The following DIPK1C variants were observed in gnomAD, a reference collection of about 807,000 sequenced individuals.
DIPK1C encodes familial non-conventional Alzheimer's dementia.
A neutral mutation model predicts 28.0 loss-of-function variants in DIPK1C; 33 were observed. The observed-to-expected ratio is 1.18, with a 90% CI of 0.89 to 1.58. The LOEUF (loss-of-function observed/expected upper bound fraction) is 1.58. DIPK1C is among the 40% of genes most tolerant of loss of function. DIPK1C has a pLI of 0.00. For missense variants in DIPK1C, 569 were observed against 568.5 expected (o/e 1.00, Z -0.01); for synonymous variants, 255 against 248.8 (o/e 1.02, Z -0.23).
chr18:74,463,088 G>C, the DIPK1C span, among the ~76,000 whole-genome samples: 1 of 152,290 alleles, frequency 6.6e-6, no homozygotes, highest in South Asian at 2.1e-4. Flanking sequence ...CAAGAACGTG[G>C]GGTGCCCCAT....
chr18:74,442,648 C>T lies in DIPK1C; in HGVS notation c.877-532G>A, dbSNP rs144652623. 2.3e-3 allele frequency among the ~76,000 whole-genome samples: 349 copies of T among 152,336 alleles called. 2 individuals are homozygous for T. Among genetic ancestry groups the T allele is most frequent in the African/African-American group, 8.1e-3 (335 of 41,586 alleles). ...CCGGCCGCATTTTCTTTTACACAGG[C>T]AACTGTCATAGCTACAGCGGAAGGC... On this transcript the variant is annotated intron_variant, in intron 2 of 3. Transcript: ENST00000343998.
At chr18:74,437,946 C>T (rs1304678177) in intron 3 of DIPK1C, among the ~76,000 whole-genome samples, 1 of 152,212 alleles carries the variant, frequency 6.6e-6, no homozygotes, top group Admixed American at 6.5e-5. Flanking sequence ...GGCTGGAGTG[C>T]AGTGGTGCCA....
At chr18:74,456,971 C>T in intron 1 of DIPK1C, 91 bp downstream of exon 1, 1 of 1,267,200 alleles carries the variant, frequency 7.9e-7, no homozygotes, top group Non-Finnish European at 1.0e-6. Context: ...GCCACCGCCA[C>T]CCAAGTCCCC....
chr18:74,453,193 T>C (rs900229862), intron 1 of DIPK1C, among the ~76,000 whole-genome samples: 3 of 152,178 alleles, frequency 2.0e-5, no homozygotes, highest in African/African-American at 7.2e-5. Context: ...ACAAAACCTG[T>C]CCACTCTAGT....
Position 74,436,676 on chromosome 18 carries a change from A to G in DIPK1C, c.1085T>C (p.Leu362Pro). The stretch of plus-strand genomic sequence containing the variant: ...CTGGAAAGAGACCGCAGAGCTCTTG[A>G]GAGGCGCGGAAAACCAATGGCGAAA... ...KIFRHWFSAP[L>P]KSSAVSFQLQ... The change falls in exon 4 of 4, where the codon CTC becomes CCC. Residue 362 changes from leucine to proline, a missense_variant. By Grantham distance (98) the Leu-to-Pro change is moderately conservative (BLOSUM62 -3). Transcript: ENST00000343998. 4 of 1,613,962 alleles carry G rather than the reference A, an allele frequency of 2.5e-6. No individual in the cohort carries two copies. Among genetic ancestry groups the G allele is most frequent in the Non-Finnish European group, 3.4e-6 (4 of 1,179,988 alleles).
At chr18:74,458,691 G>C (rs527900394), upstream of DIPK1C, among the ~76,000 whole-genome samples, 1 of 51,710 alleles carries the variant, frequency 1.9e-5, no homozygotes, top group African/African-American at 9.2e-5. Context: ...TCTGTGTGAA[G>C]CTTCCCCCCA....
intron 1 of DIPK1C, among the ~76,000 whole-genome samples, chr18:74,453,233 G>T (rs1417452383): frequency 6.6e-6 from 1 of 152,200 alleles, no homozygotes; most frequent in Admixed American, 6.5e-5. Flanking sequence ...GGTCCCAGAG[G>T]TCATGTCTGA....
chr18:74,438,455 T>G (rs1986046586), intron 3 of DIPK1C, among the ~76,000 whole-genome samples: 1 of 152,230 alleles, frequency 6.6e-6, no homozygotes, highest in Admixed American at 6.5e-5. Flanking sequence ...TGTGTTAAAT[T>G]GACTCCATAA....
rs61737652 is a variant in DIPK1C, at chr18:74,447,242, G to C, written c.240C>G (p.Cys80Trp). The C allele has an allele frequency of 5.8e-6, 9 of 1,547,396 alleles. No homozygotes were observed. The Admixed American group carries it at 1.2e-4, about 20-fold the overall frequency. The change falls in exon 2 of 4, where the codon TGC becomes TGG. Residue 80 changes from cysteine to tryptophan, a missense_variant. Coordinates refer to ENST00000343998, the MANE Select transcript of DIPK1C (RefSeq NM_001044369.3). This position sits in a 1 kb window ranked among gnomAD's most constrained non-coding sequence, Gnocchi z 4.1. ...YQGGTLAGDL[C>W]EDLCVAGELL... Reference sequence around the variant, plus strand: ...GCTCTCCCGCCACACACAGGTCCTCGCAGAGGTCCCCGGCCAGCGTGCCGC... The same window carrying C: ...GCTCTCCCGCCACACACAGGTCCTCCCAGAGGTCCCCGGCCAGCGTGCCGC...
chr18:74,438,771 G>A (rs192134565), intron 3 of DIPK1C, among the ~76,000 whole-genome samples: 190 of 152,312 alleles, frequency 1.2e-3, no homozygotes, highest in African/African-American at 4.5e-3. Context: ...ATTCTTTGAG[G>A]CCTGTCCTTG....
chr18:74,447,613 G>A lies in DIPK1C; in HGVS notation c.199-330C>T, dbSNP rs1599039323. ...GCCAGAGGCCAGGAAACCAACAGGT[G>A]AAGGGGCTGGACCAGGCCAGTAGCT... On this transcript the variant is annotated intron_variant, in intron 1 of 3. Coordinates refer to ENST00000343998, the MANE Select transcript of DIPK1C (RefSeq NM_001044369.3). This position sits in a 1 kb window ranked among gnomAD's most constrained non-coding sequence, Gnocchi z 4.1. Among the ~76,000 whole-genome samples the A allele has an allele frequency of 6.6e-6, 1 of 152,206 alleles. No individual in the cohort carries two copies. The highest frequency in any genetic ancestry group is 1.5e-5 in the Non-Finnish European group (1 of 68,038).
Position 74,443,916 on chromosome 18 carries a change from C to T in DIPK1C, c.877-1800G>A, listed in dbSNP as rs890776562. Among the ~76,000 whole-genome samples the T allele has an allele frequency of 2.0e-5, 3 of 152,276 alleles. No individual in the cohort carries two copies. In the East Asian group the frequency reaches 5.8e-4, roughly 29 times the overall value. Reference sequence around the variant, plus strand: ...TTAGCTTCTTGCAACTTCTCCTTCCCATTTCTGATAGTTTCCTTCTCATCT... The same window carrying T: ...TTAGCTTCTTGCAACTTCTCCTTCCTATTTCTGATAGTTTCCTTCTCATCT... On this transcript the variant is annotated intron_variant, in intron 2 of 3. Transcript: ENST00000343998.
In DIPK1C at chr18:74,446,799, C is replaced by A. The variant is rs1191885894; in HGVS notation, c.683G>T (p.Gly228Val). The A allele has an allele frequency of 2.0e-6, 3 of 1,490,022 alleles. No homozygotes were observed. Among genetic ancestry groups the A allele is most frequent in the Non-Finnish European group, 2.7e-6 (3 of 1,116,274 alleles). The allele number at this position is 1,490,022 out of a possible 1,614,324, so 92.3% of individuals were successfully genotyped here. Residue 228 changes from glycine (G) to valine (V), a missense_variant, in exon 2 of 4, where the codon GGC becomes GTC. Physicochemically the swap from Gly to Val is moderately radical, Grantham distance 109 (BLOSUM62 -3). Coordinates refer to ENST00000343998, the MANE Select transcript of DIPK1C (RefSeq NM_001044369.3). ...GAAGAGTGCCCTGTGGTGGGGGCTG[C>A]CCGCGGCCAGGAACTCCACCGCGTA... ...HFYAVEFLAA[G>V]SPHHRALFPL...
intron 1 of DIPK1C, among the ~76,000 whole-genome samples, chr18:74,452,485 C>T (rs913169069): frequency 2.0e-5 from 3 of 151,820 alleles, no homozygotes; most frequent in South Asian, 4.2e-4. Context: ...GGATCATGCC[C>T]GTAATCCGAG....
chr18:74,439,377 T>C (rs543304660), intron 3 of DIPK1C, among the ~76,000 whole-genome samples: 2 of 152,330 alleles, frequency 1.3e-5, no homozygotes, highest in African/African-American at 4.8e-5. Flanking sequence ...AACCCAGCTC[T>C]CCCTGCCTTG....
At position 74,436,144 on chromosome 18, in the gene DIPK1C, G is replaced by A. The variant is rs1229329334; in HGVS notation, c.*357C>T. ...TATGCACACACGCACACTTTTTAAC[G>A]TGGTAACGATTTACAGGAAAGAACA... On this transcript the variant is annotated 3_prime_UTR_variant, in exon 4 of 4. Coordinates refer to ENST00000343998, the MANE Select transcript of DIPK1C (RefSeq NM_001044369.3). 11 of 276,470 alleles carry A rather than the reference G, an allele frequency of 4.0e-5. No individual in the cohort carries two copies. The highest frequency in any genetic ancestry group is 5.9e-5 in the South Asian group (1 of 16,824). 17.1% of individuals were successfully genotyped at this position (276,470 alleles called of 1,614,324 possible).
At chr18:74,449,218 A>T (rs1339678940) in intron 1 of DIPK1C, among the ~76,000 whole-genome samples, 3 of 152,190 alleles carry the variant, frequency 2.0e-5, no homozygotes, top group Admixed American at 6.5e-5. Context: ...GCCTATTTGT[A>T]TCTATATGTG....
At position 74,454,654 on chromosome 18, in the gene DIPK1C, G is replaced by A. The variant is rs190061593; in HGVS notation, c.198+2408C>T. ...GGATAAAAGCCAGGCAGAATGAATTGGAAAGTGCCAGGGGAGCGGAGACAG... is the reference window on the plus strand; with the variant it reads ...GGATAAAAGCCAGGCAGAATGAATTAGAAAGTGCCAGGGGAGCGGAGACAG... On this transcript the variant is annotated intron_variant, in intron 1 of 3. Coordinates refer to ENST00000343998, the MANE Select transcript of DIPK1C (RefSeq NM_001044369.3). Among the ~76,000 whole-genome samples the A allele has an allele frequency of 9.2e-5, 14 of 152,336 alleles. No individual in the cohort carries two copies. In the East Asian group the frequency reaches 2.7e-3, roughly 29 times the overall value.
rs117127515 is a variant in DIPK1C, at chr18:74,455,528, C to T, written c.198+1534G>A. On this transcript the variant is annotated intron_variant, in intron 1 of 3. Transcript: ENST00000343998. ...AAAACTGGCCCGGTGTGGTGGTTCA[C>T]GCCTGTAATCCTAGCACTTTGGAAG... 1.7e-4 allele frequency among the ~76,000 whole-genome samples: 26 copies of T among 152,100 alleles called. 1 individual carries two copies. The East Asian group carries it at 4.6e-3, about 27-fold the overall frequency.
Sources: allele counts gnomAD v4.1 joint callset (sites outside exome capture counted in the v4.1 genomes callset), GRCh38; gene constraint gnomAD v4.1.1; non-coding constraint Gnocchi (gnomAD v3.1); transcripts MANE v1.5; gene names NCBI Gene and HGNC (gene_info 2026-07-23, HGNC 2026-07-21).